DRD2: variants seen among roughly 807,000 people sequenced by gnomAD.
The protein encoded by DRD2 is D(2) dopamine receptor.
In DRD2, 8 loss-of-function variants were observed where a neutral mutation model predicts 38.0. That is an observed-to-expected ratio of 0.21 (90% CI 0.12 to 0.38). DRD2 has a LOEUF of 0.38. Ranked by LOEUF, DRD2 falls within the 10% of genes least tolerant of loss-of-function variation. DRD2 has a pLI of 1.00. For synonymous variants in DRD2, 230 were observed against 238.6 expected (o/e 0.96, Z 0.33); for missense variants, 403 against 607.7 (o/e 0.66, Z 3.54).
chr11:113,440,354 C>T (rs1951078493), intron 1 of DRD2, among the ~76,000 whole-genome samples: 1 of 152,232 alleles, frequency 6.6e-6, no homozygotes, highest in South Asian at 2.1e-4. Flanking sequence ...CATGCACTTA[C>T]AGGAATGTGC....
chr11:113,440,506 G>C (rs1951080166), intron 1 of DRD2, among the ~76,000 whole-genome samples: 1 of 152,212 alleles, frequency 6.6e-6, no homozygotes, highest in Admixed American at 6.5e-5. Context: ...TGGGAAAAAG[G>C]CTGCGCCTTT....
intron 1 of DRD2, among the ~76,000 whole-genome samples, chr11:113,440,627 G>T (rs1210241731): frequency 6.6e-6 from 1 of 152,226 alleles, no homozygotes; most frequent in African/African-American, 2.4e-5. Flanking sequence ...GCATTCCCAG[G>T]CATGAGAGCT....
intron 1 of DRD2, among the ~76,000 whole-genome samples, chr11:113,444,027 T>TTTG (rs1219203421): frequency 2.0e-5 from 3 of 152,126 alleles, no homozygotes; most frequent in East Asian, 1.9e-4. Flanking sequence ...TGAATTTGTT[T>TTTG]TTGTTGTTGT....
At chr11:113,416,120 T>A (rs1950823252) in intron 4 of DRD2, among the ~76,000 whole-genome samples, 1 of 152,238 alleles carries the variant, frequency 6.6e-6, no homozygotes, top group Non-Finnish European at 1.5e-5. Context: ...CTGTCCTCTA[T>A]CTCAGGGCCT....
intron 1 of DRD2, among the ~76,000 whole-genome samples, chr11:113,457,477 G>A (rs1024978734): frequency 2.6e-5 from 4 of 152,074 alleles, no homozygotes; most frequent in Admixed American, 6.5e-5. Flanking sequence ...TGCTTCCACC[G>A]AGTTGAAAGA....
intron 1 of DRD2, among the ~76,000 whole-genome samples, chr11:113,464,032 G>T (rs1293849438): frequency 3.3e-5 from 5 of 152,178 alleles, no homozygotes; most frequent in Non-Finnish European, 7.4e-5. Flanking sequence ...AACAATGGAT[G>T]TCCACAGATC....
At chr11:113,434,959 G>A (rs562530006) in intron 1 of DRD2, among the ~76,000 whole-genome samples, 1 of 152,310 alleles carries the variant, frequency 6.6e-6, no homozygotes, top group South Asian at 2.1e-4. Context: ...CTTTGTCTAG[G>A]AGCAGAGGAG....
At chr11:113,415,754 T>A (rs1158643704) in intron 4 of DRD2, 143 bp from the exon 5 acceptor site, 1 of 906,266 alleles carries the variant, frequency 1.1e-6, no homozygotes, top group East Asian at 2.7e-5. Context: ...GGCTGCCTGG[T>A]CATCTTAGAT....
chr11:113,467,943 C>T (rs999861913), intron 1 of DRD2, among the ~76,000 whole-genome samples: 9 of 152,174 alleles, frequency 5.9e-5, no homozygotes, highest in African/African-American at 2.2e-4. Context: ...ATTTTGTGAA[C>T]GTTTTAGAAA....
intron 1 of DRD2, among the ~76,000 whole-genome samples, chr11:113,440,211 G>A (rs1951077268): frequency 6.6e-6 from 1 of 152,178 alleles, no homozygotes; most frequent in Admixed American, 6.5e-5. Flanking sequence ...GTGGCACTCA[G>A]GAACAATGCA....
chr11:113,466,475 A>T (rs189893639), intron 1 of DRD2, among the ~76,000 whole-genome samples: 1 of 152,292 alleles, frequency 6.6e-6, no homozygotes, highest in East Asian at 1.9e-4. Flanking sequence ...GTAGGTTCCA[A>T]CCATTCAATA....
chr11:113,451,457 T>C (rs1048086814), intron 1 of DRD2, among the ~76,000 whole-genome samples: 3 of 152,152 alleles, frequency 2.0e-5, no homozygotes, highest in Non-Finnish European at 2.9e-5. Context: ...TATATATGTA[T>C]ATATATAATT....
At position 113,416,902 on chromosome 11, in the gene DRD2, T is replaced by C. The variant is rs199577077; in HGVS notation, c.493A>G (p.Thr165Ala). 5 of 1,614,008 alleles carry C rather than the reference T, an allele frequency of 3.1e-6. No individual in the cohort carries two copies. The highest frequency in any genetic ancestry group is 4.2e-6 in the Non-Finnish European group (5 of 1,180,008). The change falls in exon 4 of 8, where the codon ACC (threonine) becomes GCC (alanine). Residue 165 changes from threonine to alanine, a missense_variant. Thr to Ala is a moderately conservative substitution (Grantham distance 58). This residue lies in a region of DRD2 where 162 missense variants were observed against 254.5 expected (regional missense o/e 0.64). Transcript: ENST00000362072. ...MISIVWVLSF[T>A]ISCPLLFGLN... is the part of the protein sequence containing the mutation. ...CCGAAGAGGAGTGGGCAGGAGATGG[T>C]GAAGGACAGGACCCAGACGATGGAG...
At chr11:113,434,440 TC>T (rs1951017697) in intron 1 of DRD2, among the ~76,000 whole-genome samples, 1 of 152,334 alleles carries the variant, frequency 6.6e-6, no homozygotes, top group East Asian at 1.9e-4. Context: ...AATAGCCTCT[TC>T]TGAGATCTCC....
chr11:113,436,162 G>A (rs533629027), intron 1 of DRD2, among the ~76,000 whole-genome samples: 4 of 152,252 alleles, frequency 2.6e-5, no homozygotes, highest in African/African-American at 9.6e-5. Flanking sequence ...CAGGCAAGAT[G>A]GGACTTGAGG....
intron 1 of DRD2, among the ~76,000 whole-genome samples, chr11:113,453,558 C>G (rs1298872066): frequency 2.0e-5 from 3 of 152,154 alleles, no homozygotes; most frequent in Non-Finnish European, 4.4e-5. Flanking sequence ...ATTTCAAGTT[C>G]GTAAAATAAT....
chr11:113,470,337 G>A (rs1951411683), intron 1 of DRD2, among the ~76,000 whole-genome samples: 1 of 152,202 alleles, frequency 6.6e-6, no homozygotes, highest in South Asian at 2.1e-4. Flanking sequence ...CCAGACATCT[G>A]CAGGGGATTA....
chr11:113,474,724 G>T (rs1951463360), intron 1 of DRD2, among the ~76,000 whole-genome samples: 1 of 151,928 alleles, frequency 6.6e-6, no homozygotes, highest in African/African-American at 2.4e-5. Flanking sequence ...AGATTGTGGG[G>T]AGCGGCCTCC....
At position 113,410,299 on chromosome 11, in the gene DRD2, GTGTGAAC is replaced by G. The variant is rs1950755670; in HGVS notation, c.*421_*427del. Reference sequence around the variant, plus strand: ...GCTTGCCTCCTGTGGGCCTTGCAGGGTGTGAACTGTCCATCTCTCCCCACCGCCTGCT... The same window carrying G: ...GCTTGCCTCCTGTGGGCCTTGCAGGGTGTCCATCTCTCCCCACCGCCTGCT... On this transcript the variant is annotated 3_prime_UTR_variant, in exon 8 of 8. Coordinates refer to ENST00000362072, the MANE Select transcript of DRD2 (RefSeq NM_000795.4). The G allele has an allele frequency of 5.8e-6, 2 of 342,402 alleles. No homozygotes were observed. The highest frequency in any genetic ancestry group is 6.9e-5 in the South Asian group (2 of 29,150). 21.2% of individuals were successfully genotyped at this position (342,402 alleles called of 1,614,324 possible).
Sources: gnomAD v4.1 joint callset for allele counts (sites outside exome capture counted in the v4.1 genomes callset) on GRCh38, gnomAD v4.1.1 for gene constraint, gnomAD v4.1.1 regional missense constraint, MANE v1.5 for transcripts, NCBI Gene and HGNC (gene_info 2026-07-23, HGNC 2026-07-21) for gene names.